The following FAM13B variants were observed in gnomAD, a reference collection of about 807,000 sequenced individuals.
The protein encoded by FAM13B is family with sequence similarity 13 member B, also known as protein FAM13B.
In FAM13B, 60 loss-of-function variants were observed where a neutral mutation model predicts 117.3. The ratio of observed to expected loss-of-function variants is 0.51; its 90% confidence interval spans 0.42 to 0.63. The LOEUF (loss-of-function observed/expected upper bound fraction) is 0.63, where lower values mean the gene tolerates loss of function less well. FAM13B is among the 30% of genes least tolerant of loss of function. The pLI, the probability that FAM13B is intolerant of heterozygous loss-of-function variation, is 0.00. For synonymous variants in FAM13B, 332 were observed against 356.1 expected, an observed-to-expected ratio of 0.93 and a Z score of 0.76; for missense variants, 972 against 1,091.9, an observed-to-expected ratio of 0.89 and a Z score of 1.55.
intron 1 of FAM13B, among the ~76,000 whole-genome samples, chr5:138,029,568 T>C (rs1434478742): frequency 6.6e-6 from 1 of 152,204 alleles, no homozygotes; most frequent in African/African-American, 2.4e-5. Flanking sequence ...ACTCCCATCT[T>C]ACCTAATTCT....
intron 4 of FAM13B, among the ~76,000 whole-genome samples, chr5:138,013,192 G>A (rs1784469440): frequency 6.7e-6 from 1 of 148,538 alleles, no homozygotes; most frequent in African/African-American, 2.5e-5. Context: ...GACAGAGTGA[G>A]ACCCTGTCTC....
At chr5:137,974,280 T>TA (rs1773221404) in intron 10 of FAM13B, among the ~76,000 whole-genome samples, 2 of 151,948 alleles carry the variant, frequency 1.3e-5, no homozygotes, top group African/African-American at 4.8e-5. Flanking sequence ...CTATGCGCCA[T>TA]AAAAAATGAT....
intron 7 of FAM13B, among the ~76,000 whole-genome samples, chr5:138,004,356 C>T (rs1162818032): frequency 5.3e-5 from 8 of 151,156 alleles, no homozygotes; most frequent in South Asian, 4.2e-4. Flanking sequence ...GACAGATGAT[C>T]GAAGAGAAGC....
chr5:137,972,715 T>C (rs1031518575), intron 10 of FAM13B, among the ~76,000 whole-genome samples: 11 of 151,532 alleles, frequency 7.3e-5, no homozygotes, highest in South Asian at 4.2e-4. Flanking sequence ...AAAACCCCAT[T>C]GTCTCAGCCC....
intron 9 of FAM13B, among the ~76,000 whole-genome samples, chr5:137,986,141 T>C (rs1777149527): frequency 6.6e-6 from 1 of 152,114 alleles, no homozygotes; most frequent in South Asian, 2.1e-4. Context: ...GTTGTATGCA[T>C]TCTAATCATG....
intron 1 of FAM13B, among the ~76,000 whole-genome samples, chr5:138,043,212 T>C (rs750827921): frequency 6.6e-6 from 1 of 151,480 alleles, no homozygotes; most frequent in African/African-American, 2.4e-5. Context: ...AAAAATAAAA[T>C]TAAAAATTAG....
At chr5:137,966,480 T>TAGAGAGAGAGAG (rs1452687913) in intron 10 of FAM13B, among the ~76,000 whole-genome samples, 7 of 59,072 alleles carry the variant, frequency 1.2e-4, no homozygotes, top group East Asian at 1.1e-3. Context: ...TATATATATA[T>TAGAGAGAGAGAG]ATATATATAG....
intron 10 of FAM13B, among the ~76,000 whole-genome samples, chr5:137,968,219 C>A (rs368336880): frequency 1.1e-3 from 136 of 121,246 alleles, no homozygotes; most frequent in African/African-American, 1.4e-3. Context: ...AAGACTGTCT[C>A]AAAAAAAAAA....
chr5:138,019,677 A>G (rs920003563), intron 2 of FAM13B, among the ~76,000 whole-genome samples: 1 of 93,344 alleles, frequency 1.1e-5, no homozygotes, highest in African/African-American at 3.6e-5. Context: ...AAGCAGCTGT[A>G]ATAAATTTTT....
chr5:138,025,261 T>C (rs1262321490), intron 1 of FAM13B, among the ~76,000 whole-genome samples: 4 of 147,058 alleles, frequency 2.7e-5, no homozygotes, highest in Non-Finnish European at 6.0e-5. Flanking sequence ...TACCTCACCA[T>C]GAGATAACAG....
intron 7 of FAM13B, among the ~76,000 whole-genome samples, chr5:137,995,593 T>C (rs1779661966): frequency 1.3e-5 from 2 of 152,140 alleles, no homozygotes; most frequent in South Asian, 2.1e-4. Context: ...AAAATGAACA[T>C]ATAAAACAAA....
At chr5:137,978,436 C>T (rs1774663258) in intron 10 of FAM13B, among the ~76,000 whole-genome samples, 1 of 152,040 alleles carries the variant, frequency 6.6e-6, no homozygotes, top group African/African-American at 2.4e-5. Flanking sequence ...CCTTAACCTA[C>T]CCTCACCAGC....
intron 1 of FAM13B, among the ~76,000 whole-genome samples, chr5:138,028,738 C>T (rs1043685022): frequency 2.0e-5 from 3 of 152,150 alleles, no homozygotes; most frequent in Admixed American, 2.0e-4. Flanking sequence ...CAAAATTAGG[C>T]CAGGTGCAGT....
chr5:138,008,828 G>T (rs1404875115), intron 6 of FAM13B, among the ~76,000 whole-genome samples: 1 of 152,146 alleles, frequency 6.6e-6, no homozygotes, highest in Admixed American at 6.5e-5. Context: ...CTAGTCAGAT[G>T]GGTCACTAAA....
chr5:137,966,494 G>GAC (rs1561469041), intron 10 of FAM13B, among the ~76,000 whole-genome samples: 3 of 109,622 alleles, frequency 2.7e-5, no homozygotes, highest in African/African-American at 1.1e-4. Context: ...TATATAGAGA[G>GAC]AGAGAGAGAG....
At chr5:138,043,740 T>C (rs1791565867) in intron 1 of FAM13B, among the ~76,000 whole-genome samples, 2 of 151,354 alleles carry the variant, frequency 1.3e-5, no homozygotes, top group Admixed American at 6.6e-5. Flanking sequence ...ACCCGGCCTC[T>C]TTTTTTTCTT....
chr5:138,002,300 G>A (rs1036580562), intron 7 of FAM13B, among the ~76,000 whole-genome samples: 1 of 152,118 alleles, frequency 6.6e-6, no homozygotes, highest in African/African-American at 2.4e-5. Flanking sequence ...AGGCCGAGAC[G>A]GGTGGATCAC....
chr5:138,005,781 T>C (rs1486804607), intron 7 of FAM13B, among the ~76,000 whole-genome samples: 3 of 152,178 alleles, frequency 2.0e-5, no homozygotes, highest in Non-Finnish European at 2.9e-5. Context: ...TAATTGTGTT[T>C]AGCAGCATTT....
chr5:137,945,789 C>T (rs1763246823), intron 20 of FAM13B, 113 bp downstream of exon 20: 8 of 683,376 alleles, frequency 1.2e-5, no homozygotes, highest in Non-Finnish European at 1.4e-5. Flanking sequence ...CTTACAGTGA[C>T]AATTATTTCT....
Sources: allele counts gnomAD v4.1 joint callset (sites outside exome capture counted in the v4.1 genomes callset), GRCh38; gene constraint gnomAD v4.1.1; transcripts MANE v1.5; gene names NCBI Gene and HGNC (gene_info 2026-07-23, HGNC 2026-07-21).